The following BCAS3 variants were observed in gnomAD, a reference collection of about 807,000 sequenced individuals.
BCAS3 encodes the protein BCAS3 microtubule associated cell migration factor.
Under a neutral mutation model 116.1 loss-of-function variants are expected in BCAS3, and 53 were observed. That is an observed-to-expected ratio of 0.46 (90% confidence interval 0.37 to 0.57). The LOEUF (loss-of-function observed/expected upper bound fraction) is 0.57, where lower values mean the gene tolerates loss of function less well. Ranked by LOEUF, BCAS3 falls within the 20% of genes least tolerant of loss-of-function variation. BCAS3 has a pLI of 0.00. For missense variants in BCAS3, 917 were observed against 1,165.4 expected (o/e 0.79, Z 3.10); for synonymous variants, 391 against 408.2 (o/e 0.96, Z 0.51).
Position 61,337,996 on chromosome 17 carries a change from C to T in BCAS3, c.2426-30331C>T, listed in dbSNP as rs569465133. On this transcript the variant is annotated intron_variant, in intron 22 of 23. Transcript: ENST00000407086. The surrounding 1 kb of genome is among the most constrained non-coding windows in gnomAD (Gnocchi z 4.8). ...TGACTTAGGAACTGCAGCGTCCCTT[C>T]TGTGTTGTGAGCAACTCAAAGTTAG... Among the ~76,000 whole-genome samples, 3 of 152,326 alleles carry T rather than the reference C, an allele frequency of 2.0e-5. No homozygotes were observed. In the East Asian group the frequency reaches 5.8e-4, roughly 29 times the overall value.
At chr17:60,843,991 C>G (rs147011080) in intron 7 of BCAS3, among the ~76,000 whole-genome samples, 1 of 152,106 alleles carries the variant, frequency 6.6e-6, no homozygotes, top group Non-Finnish European at 1.5e-5. Flanking sequence ...TTTTTTGAGA[C>G]GGAGTTTCTC....
chr17:60,967,172 A>C lies in BCAS3; in HGVS notation c.1221+19820A>C, dbSNP rs960024871. Among the ~76,000 whole-genome samples the C allele has an allele frequency of 2.0e-5, 3 of 152,208 alleles. No individual in the cohort carries two copies. Among genetic ancestry groups the C allele is most frequent in the African/African-American group, 7.2e-5 (3 of 41,460 alleles). On this transcript the variant is annotated intron_variant, in intron 14 of 23. Transcript: ENST00000407086. This position sits in a 1 kb window ranked among gnomAD's most constrained non-coding sequence, Gnocchi z 4.7. ...ACCTTGAAAAGCTTTCTTTTAGCAC[A>C]TCAGAGTTTTCTTGGTTCAGATTGA...
rs1449955462 is a variant in BCAS3, at chr17:60,902,799, G to C, written c.822+96G>C. ...TATTTTCTATTGTAATGATTGTAGT[G>C]CTTGTACTTATCCAATTTTAAAGAT... On this transcript the variant is annotated intron_variant, in intron 11 of 23. Transcript: ENST00000407086. The C allele has an allele frequency of 4.1e-6, 4 of 980,392 alleles. No homozygotes were observed. In the African/African-American group the frequency reaches 6.5e-5, roughly 16 times the overall value. 60.7% of individuals were successfully genotyped at this position (980,392 alleles called of 1,614,324 possible).
intron 9 of BCAS3, among the ~76,000 whole-genome samples, chr17:60,882,610 AT>A (rs2056275481): frequency 1.3e-5 from 2 of 151,620 alleles, no homozygotes; most frequent in Non-Finnish European, 2.9e-5. Context: ...TCTTGAATTG[AT>A]TTTTGTATAA....
chr17:61,249,143 C>T lies in BCAS3; in HGVS notation c.2426-119184C>T, dbSNP rs936429222. Among the ~76,000 whole-genome samples, 2 of 151,840 alleles carry T rather than the reference C, an allele frequency of 1.3e-5. No individual in the cohort carries two copies. The highest frequency in any genetic ancestry group is 4.2e-4 in the South Asian group (2 of 4,816). On this transcript the variant is annotated intron_variant, in intron 22 of 23. Coordinates refer to ENST00000407086, the MANE Select transcript of BCAS3 (RefSeq NM_017679.5). This position sits in a 1 kb window ranked among gnomAD's most constrained non-coding sequence, Gnocchi z 6.2. The stretch of plus-strand genomic sequence containing the variant: ...TCTACTAAAAATACAAAAAATTAGC[C>T]GGGAATGGTGGCGGGTGCCTGTAAT...
chr17:61,175,455 A>G (rs941547760), intron 22 of BCAS3, among the ~76,000 whole-genome samples: 8 of 152,148 alleles, frequency 5.3e-5, no homozygotes, highest in Non-Finnish European at 1.2e-4. Context: ...AGTAACTCAC[A>G]TATGTGGTCT....
At chr17:60,889,538 T>G (rs556137441) in intron 9 of BCAS3, among the ~76,000 whole-genome samples, 157 bp from the exon 10 acceptor site, 8 of 152,350 alleles carry the variant, frequency 5.3e-5, no homozygotes, top group South Asian at 4.1e-4. Context: ...TGCACCTTAC[T>G]TAGCTAACAA....
chr17:61,250,731 T>A (rs976814715), intron 22 of BCAS3, among the ~76,000 whole-genome samples: 3 of 152,210 alleles, frequency 2.0e-5, no homozygotes, highest in South Asian at 2.1e-4. Flanking sequence ...CAGGCTTTTT[T>A]AAGCTGAGCT....
intron 15 of BCAS3, among the ~76,000 whole-genome samples, chr17:61,002,335 T>C (rs529622161): frequency 3.3e-5 from 5 of 152,264 alleles, no homozygotes; most frequent in African/African-American, 1.2e-4. Flanking sequence ...CCAGAATTTC[T>C]TCTTTGCTTT....
At chr17:60,767,072 G>A (rs532641532) in intron 6 of BCAS3, among the ~76,000 whole-genome samples, 70 of 152,298 alleles carry the variant, frequency 4.6e-4, no homozygotes, top group Non-Finnish European at 7.9e-4. Flanking sequence ...GTGTTTAGGT[G>A]GCAGTGTCCT....
rs181180602 is a variant in BCAS3, at chr17:61,261,972, C to G, written c.2426-106355C>G. ...AAGAGAGATGAGACAAGGATGTCCA[C>G]GAATACCGTTTCTATTCAGTGTTAT... On this transcript the variant is annotated intron_variant, in intron 22 of 23. Transcript: ENST00000407086. This position sits in a 1 kb window ranked among gnomAD's most constrained non-coding sequence, Gnocchi z 4.4. Among the ~76,000 whole-genome samples the G allele has an allele frequency of 8.5e-4, 130 of 152,134 alleles. No homozygotes were observed. In the Middle Eastern group the frequency reaches 0.01, roughly 12 times the overall value.
At chr17:60,698,872 A>G (rs2035995737) in intron 4 of BCAS3, among the ~76,000 whole-genome samples, 1 of 152,178 alleles carries the variant, frequency 6.6e-6, no homozygotes, top group South Asian at 2.1e-4. Context: ...CCTGGCCAAC[A>G]TGGTGAAACC....
At chr17:60,920,452 A>G (rs901861623) in intron 12 of BCAS3, among the ~76,000 whole-genome samples, 3 of 152,232 alleles carry the variant, frequency 2.0e-5, no homozygotes, top group African/African-American at 7.2e-5. Flanking sequence ...ACTTCTTAAA[A>G]GAAGACATAC....
At chr17:60,901,418 C>T (rs2057887316) in intron 10 of BCAS3, among the ~76,000 whole-genome samples, 1 of 152,148 alleles carries the variant, frequency 6.6e-6, no homozygotes, top group African/African-American at 2.4e-5. Context: ...GAGAGAGATT[C>T]TTTTTATTTG....
rs567924966 is a variant in BCAS3 at position 61,021,831 on chromosome 17, G to A, written c.1637+5930G>A. Among the ~76,000 whole-genome samples the A allele has an allele frequency of 1.3e-4, 20 of 152,320 alleles. No individual in the cohort carries two copies. Among genetic ancestry groups the A allele is most frequent in the African/African-American group, 4.3e-4 (18 of 41,562 alleles). On this transcript the variant is annotated intron_variant, in intron 16 of 23. Transcript: ENST00000407086. This position sits in a 1 kb window ranked among gnomAD's most constrained non-coding sequence, Gnocchi z 4.6. ...TTGGCATATAGTAGGCCTTGCAGAA[G>A]GTCTATTCCTTATTTTAATTCAATT... is the stretch of plus-strand genomic sequence containing the variant.
intron 7 of BCAS3, among the ~76,000 whole-genome samples, chr17:60,850,964 A>C (rs2053089444): frequency 6.6e-6 from 1 of 152,222 alleles, no homozygotes; most frequent in African/African-American, 2.4e-5. Context: ...GTAATTCTAA[A>C]GTTTGTATGG....
chr17:61,303,988 T>A (rs2053645580), intron 22 of BCAS3, among the ~76,000 whole-genome samples: 1 of 152,224 alleles, frequency 6.6e-6, no homozygotes, highest in South Asian at 2.1e-4. Flanking sequence ...CATTATTTTC[T>A]GAATCCCAGT....
In BCAS3 at chr17:61,046,380, G is replaced by T. The variant is rs536959513; in HGVS notation, c.2029+5488G>T. On this transcript the variant is annotated intron_variant, in intron 19 of 23. Transcript: ENST00000407086. ...GACTTTAATAAATATTATTCTCAAA[G>T]AATTTTCAAATATAGTCATTCCTTG... 4.0e-5 allele frequency among the ~76,000 whole-genome samples: 6 copies of T among 150,940 alleles called. No homozygotes were observed. The East Asian group carries it at 7.8e-4, about 20-fold the overall frequency.
intron 22 of BCAS3, among the ~76,000 whole-genome samples, chr17:61,329,873 G>C (rs1448629207): frequency 6.6e-6 from 1 of 152,092 alleles, no homozygotes; most frequent in African/African-American, 2.4e-5. Context: ...CTCAGTCTTC[G>C]AGCAGCTGTC....
Sources: allele counts gnomAD v4.1 joint callset (sites outside exome capture counted in the v4.1 genomes callset), GRCh38; gene constraint gnomAD v4.1.1; non-coding constraint Gnocchi (gnomAD v3.1); transcripts MANE v1.5; gene names NCBI Gene and HGNC (gene_info 2026-07-23, HGNC 2026-07-21).